NCOR2: variants seen among roughly 807,000 people sequenced by gnomAD.
NCOR2 encodes nuclear receptor corepressor 2, also known as CTG repeat protein 26.
Under a neutral mutation model 262.9 loss-of-function variants are expected in NCOR2, and 81 were observed. The observed-to-expected ratio is 0.31, with a 90% CI of 0.26 to 0.37. The LOEUF (loss-of-function observed/expected upper bound fraction) is 0.37. Ranked by LOEUF, NCOR2 falls within the 10% of genes least tolerant of loss-of-function variation. NCOR2 has a pLI of 1.00. For missense variants in NCOR2, 3,385 were observed against 3,621.4 expected, an observed-to-expected ratio of 0.93 and a Z score of 1.68; for synonymous variants, 1,659 against 1,559.3, an observed-to-expected ratio of 1.06 and a Z score of -1.51.
At chr12:124,479,587 A>T (rs1290237105) in intron 3 of NCOR2, among the ~76,000 whole-genome samples, 1 of 152,232 alleles carries the variant, frequency 6.6e-6, no homozygotes, top group African/African-American at 2.4e-5. Context: ...GCGCGCATGC[A>T]CACACACACC....
chr12:124,478,901 A>C (rs1319525080), intron 3 of NCOR2, among the ~76,000 whole-genome samples: 1 of 152,194 alleles, frequency 6.6e-6, no homozygotes, highest in Non-Finnish European at 1.5e-5. Flanking sequence ...AGACACAGAG[A>C]CTAAGAGAGA....
At chr12:124,339,441 C>A (rs1348108080) in intron 37 of NCOR2, among the ~76,000 whole-genome samples, 1 of 149,238 alleles carries the variant, frequency 6.7e-6, no homozygotes, top group African/African-American at 2.5e-5. Context: ...GCCATCTATC[C>A]TTTTGCCCAT....
intron 27 of NCOR2, among the ~76,000 whole-genome samples, chr12:124,351,032 T>C (rs1433889367): frequency 6.6e-6 from 1 of 152,196 alleles, no homozygotes; most frequent in African/African-American, 2.4e-5. Context: ...TGATTATGCC[T>C]GTTTCAGATG....
intron 8 of NCOR2, 25 bp downstream of exon 10, chr12:124,437,905 G>A (rs745564689): frequency 1.1e-5 from 17 of 1,604,322 alleles, no homozygotes; most frequent in Non-Finnish European, 1.4e-5. Context: ...AAGGAAAGCT[G>A]ATGGGGGCCA....
Position 124,503,524 on chromosome 12 carries a change from G to C in NCOR2, c.-117-8156C>G, listed in dbSNP as rs1451348254. ...TGGATGGATGGATGGACAGAGGATGGACAGATGAATGGATGGATGGATGGA... is the reference window on the plus strand; with the variant it reads ...TGGATGGATGGATGGACAGAGGATGCACAGATGAATGGATGGATGGATGGA... On this transcript the variant is annotated intron_variant, in intron 1 of 46. Transcript: ENST00000404621. The surrounding 1 kb of genome is among the most constrained non-coding windows in gnomAD (Gnocchi z 4.3). Among the ~76,000 whole-genome samples the C allele has an allele frequency of 4.0e-5, 6 of 151,382 alleles. No homozygotes were observed. Among genetic ancestry groups the C allele is most frequent in the African/African-American group, 9.7e-5 (4 of 41,042 alleles).
intron 1 of NCOR2, among the ~76,000 whole-genome samples, chr12:124,493,133 TG>T (rs2048185126): frequency 6.6e-6 from 1 of 152,124 alleles, no homozygotes; most frequent in Non-Finnish European, 1.5e-5. Context: ...AGGAGAAGAA[TG>T]GGAGGTGTCT....
rs75700832 is a variant in NCOR2 at position 124,344,943 on chromosome 12, C to T, written c.4368G>A (p.Pro1456=). The stretch of plus-strand genomic sequence containing the variant: ...TGGACGCGCCGGTGTCGTACTTGAG[C>T]GGGGTGCCCTGGGGCAGAGGGGATG... Residue 1456 remains proline (P), a synonymous_variant, in exon 32 of 47, where the codon CCG becomes CCA. Coordinates refer to ENST00000405201, the Ensembl canonical transcript of NCOR2. 3.0e-3 allele frequency: 4,638 copies of T among 1,545,668 alleles called. 143 individuals carry two copies. In the African/African-American group the frequency reaches 0.056, roughly 19 times the overall value.
At chr12:124,559,552 A>AG (rs2052001615) in intron 1 of NCOR2, among the ~76,000 whole-genome samples, 2 of 152,220 alleles carry the variant, frequency 1.3e-5, no homozygotes, top group Admixed American at 1.3e-4. Context: ...ATGCTGGTGC[A>AG]GGGGATGGTG....
chr12:124,334,625 C>G lies in NCOR2; in HGVS notation c.6412-8G>C. 2 of 1,366,208 alleles carry G rather than the reference C, an allele frequency of 1.5e-6. No homozygotes were observed. Among genetic ancestry groups the G allele is most frequent in the Non-Finnish European group, 1.9e-6 (2 of 1,063,528 alleles). 84.6% of individuals were successfully genotyped at this position (1,366,208 alleles called of 1,614,324 possible). On this transcript the variant is annotated splice_polypyrimidine_tract_variant and splice_region_variant and intron_variant, in intron 40 of 46. Transcript: ENST00000405201. ...GTCCTGTGTGATGACCTCCTGCAGG[C>G]AAGTGGGGGGGCCCAGAGTCAGGCA...
intron 13 of NCOR2, 70 bp downstream of exon 15, chr12:124,419,887 G>A: frequency 7.1e-7 from 1 of 1,405,892 alleles, no homozygotes; most frequent in Non-Finnish European, 1.0e-6. Flanking sequence ...CGGGGTGCTG[G>A]CCACCAAGCA....
At chr12:124,334,532 G>T (rs762630438) in exon 41 of NCOR2, 4 of 1,431,664 alleles carry the variant, frequency 2.8e-6, no homozygotes, top group Non-Finnish European at 2.7e-6. Context: ...GGGGCAGCTG[G>T]CCCCAGGGAA....
intron 39 of NCOR2, 35 bp downstream of exon 41, chr12:124,335,448 G>C (rs1282746122): frequency 1.0e-5 from 16 of 1,590,346 alleles, no homozygotes; most frequent in Non-Finnish European, 1.2e-5. Context: ...TCACTGTGCA[G>C]GGCTTCGGGG....
intron 1 of NCOR2, among the ~76,000 whole-genome samples, chr12:124,521,523 G>A (rs1156489321): frequency 1.3e-5 from 2 of 152,186 alleles, no homozygotes; most frequent in Non-Finnish European, 2.9e-5. Context: ...CACAGTGCAT[G>A]ATTCCGTCCA....
chr12:124,490,181 C>G (rs2048002655), intron 1 of NCOR2, among the ~76,000 whole-genome samples: 2 of 152,160 alleles, frequency 1.3e-5, no homozygotes, highest in Admixed American at 1.3e-4. Context: ...CCTCTCCCTT[C>G]CTCCAGGTTC....
exon 37 of NCOR2, chr12:124,340,080 T>C (rs920614757): frequency 6.2e-7 from 1 of 1,612,906 alleles, no homozygotes; most frequent in Non-Finnish European, 8.5e-7. Context: ...GCACACTGGG[T>C]CTCTGCTGGA....
At chr12:124,493,019 G>A (rs543629473) in intron 1 of NCOR2, among the ~76,000 whole-genome samples, 2 of 152,216 alleles carry the variant, frequency 1.3e-5, no homozygotes, top group African/African-American at 4.8e-5. Context: ...ACCTGTGGCC[G>A]CCAGGCTGGG....
chr12:124,461,492 G>A (rs1336904719), intron 5 of NCOR2, among the ~76,000 whole-genome samples: 4 of 152,262 alleles, frequency 2.6e-5, no homozygotes. Flanking sequence ...CCTAGGAGCT[G>A]TGCTGGGGCA....
At chr12:124,325,733 C>T (rs2034571562) in intron 46 of NCOR2, 150 bp from the exon 49 acceptor site, 1 of 483,160 alleles carries the variant, frequency 2.1e-6, no homozygotes, top group African/African-American at 2.0e-5. Flanking sequence ...GTCTCAGAAC[C>T]GTCTGCCTCT....
At chr12:124,343,275 CG>C (rs1226516107) in intron 32 of NCOR2, 49 bp from the exon 35 acceptor site, 2 of 1,540,840 alleles carry the variant, frequency 1.3e-6, no homozygotes, top group African/African-American at 1.4e-5. Context: ...CTGGCATTTA[CG>C]GGGAGTTGTT....
Sources: allele counts gnomAD v4.1 joint callset (sites outside exome capture counted in the v4.1 genomes callset), GRCh38; gene constraint gnomAD v4.1.1; non-coding constraint Gnocchi (gnomAD v3.1); transcripts MANE v1.5; gene names NCBI Gene and HGNC (gene_info 2026-07-23, HGNC 2026-07-21).